DNAAF11: variants seen among roughly 807,000 people sequenced by gnomAD.
DNAAF11 encodes the protein leucine rich repeat containing 6.
A neutral mutation model predicts 60.8 loss-of-function variants in DNAAF11; 45 were observed. That is an observed-to-expected ratio of 0.74 (90% CI 0.58 to 0.95). DNAAF11 has a LOEUF of 0.95. Among genes scored for constraint, DNAAF11 ranks in the 40% least tolerant of loss-of-function variants. The probability of loss-of-function intolerance (pLI) is 0.00; values close to 1 mark genes in which losing one functional copy is unlikely to be tolerated. For missense variants in DNAAF11, 546 were observed against 546.2 expected (o/e 1.00, Z 0.00); for synonymous variants, 191 against 183.5 (o/e 1.04, Z -0.33).
upstream of DNAAF11, chr8:132,675,587 G>T: frequency 7.6e-7 from 1 of 1,322,864 alleles, no homozygotes; most frequent in Non-Finnish European, 1.0e-6. Context: ...CGTCCCCGTC[G>T]GAATTCAGGA....
Position 132,622,592 on chromosome 8 carries a change from T to G in DNAAF11, c.914+19A>C. On this transcript the variant is annotated intron_variant, in intron 7 of 11. Coordinates refer to ENST00000620350, the MANE Select transcript of DNAAF11 (RefSeq NM_012472.6). ...ACTGACACTTTTGGGTCTTTAACGC[T>G]CTATTTGGCCTCACATACTTGGGCT... is the stretch of plus-strand genomic sequence containing the variant. 1 of 1,600,634 alleles carries G rather than the reference T, an allele frequency of 6.2e-7. No individual in the cohort carries two copies. Among genetic ancestry groups the G allele is most frequent in the Admixed American group, 1.7e-5 (1 of 59,476 alleles).
chr8:132,650,098 G>C (rs939871133), intron 3 of DNAAF11, among the ~76,000 whole-genome samples: 2 of 152,164 alleles, frequency 1.3e-5, no homozygotes, highest in African/African-American at 4.8e-5. Flanking sequence ...ATTCACAACA[G>C]CAAAGACTTG....
At chr8:132,627,588 C>A (rs549931027) in intron 5 of DNAAF11, among the ~76,000 whole-genome samples, 1 of 152,272 alleles carries the variant, frequency 6.6e-6, no homozygotes, top group East Asian at 1.9e-4. Flanking sequence ...AAAGTTCAGA[C>A]CTAAATTTCA....
At chr8:132,684,271 A>C in the DNAAF11 span, among the ~76,000 whole-genome samples, 2 of 152,204 alleles carry the variant, frequency 1.3e-5, no homozygotes, top group African/African-American at 2.4e-5. Flanking sequence ...ATTAAAGAAA[A>C]AGGATGTAGA....
At chr8:132,605,731 T>TG (rs1818060116) in intron 10 of DNAAF11, among the ~76,000 whole-genome samples, 2 of 152,106 alleles carry the variant, frequency 1.3e-5, no homozygotes, top group South Asian at 4.1e-4. Flanking sequence ...TTTGTAAATA[T>TG]GGGTATCAGG....
At chr8:132,675,577 C>G, upstream of DNAAF11, 2 of 1,382,296 alleles carry the variant, frequency 1.4e-6, no homozygotes, top group Non-Finnish European at 1.9e-6. Context: ...CTCCTCAGCG[C>G]GTCCCCGTCG....
At chr8:132,624,211 G>A (rs1472035315) in intron 6 of DNAAF11, among the ~76,000 whole-genome samples, 1 of 152,136 alleles carries the variant, frequency 6.6e-6, no homozygotes, top group Non-Finnish European at 1.5e-5. Flanking sequence ...AGTCTGCAAA[G>A]CACTTTCACA....
chr8:132,633,017 C>A, intron 4 of DNAAF11, 54 bp from the exon 5 acceptor site: 1 of 1,230,244 alleles, frequency 8.1e-7, no homozygotes, highest in South Asian at 1.2e-5. Context: ...CAGTGTGAAT[C>A]AGCCCCAGGT....
rs776739670 is a variant in DNAAF11, at chr8:132,622,725, T to C, written c.837-37A>G. The C allele has an allele frequency of 3.6e-6, 5 of 1,399,436 alleles. No individual in the cohort carries two copies. The East Asian group carries it at 1.1e-4, about 32-fold the overall frequency. 86.7% of individuals were successfully genotyped at this position (1,399,436 alleles called of 1,614,324 possible). The stretch of plus-strand genomic sequence containing the variant: ...TGGTGGATGAGAACAATGGGCAGCA[T>C]GGAAAGAAAAAACAAGCAAAGAGAA... On this transcript the variant is annotated intron_variant, in intron 6 of 11. Coordinates refer to ENST00000620350, the MANE Select transcript of DNAAF11 (RefSeq NM_012472.6).
chr8:132,609,640 G>A (rs757736034), intron 10 of DNAAF11, among the ~76,000 whole-genome samples: 2 of 152,224 alleles, frequency 1.3e-5, no homozygotes, highest in East Asian at 1.9e-4. Context: ...TCTCATGCAA[G>A]ATAGGAACAT....
intron 11 of DNAAF11, among the ~76,000 whole-genome samples, chr8:132,576,923 C>T (rs1288742866): frequency 1.3e-5 from 2 of 152,114 alleles, no homozygotes; most frequent in Admixed American, 6.5e-5. Flanking sequence ...AGCTGAGGGT[C>T]AGGCTCAGTA....
At chr8:132,612,681 A>T (rs1475440875) in intron 8 of DNAAF11, among the ~76,000 whole-genome samples, 1 of 152,142 alleles carries the variant, frequency 6.6e-6, no homozygotes, top group African/African-American at 2.4e-5. Flanking sequence ...GGAGACAGTT[A>T]CAGTCTCCCC....
the DNAAF11 span, among the ~76,000 whole-genome samples, chr8:132,690,256 G>C: frequency 6.6e-6 from 1 of 152,006 alleles, no homozygotes; most frequent in African/African-American, 2.4e-5. Context: ...CCCACATGTC[G>C]AGGAAGGGAG....
intron 4 of DNAAF11, 100 bp from the exon 5 acceptor site, chr8:132,633,063 G>T: frequency 1.5e-6 from 1 of 663,618 alleles, no homozygotes; most frequent in Non-Finnish European, 2.6e-6. Context: ...ACCCGATAGT[G>T]ATAGAGAATT....
chr8:132,579,900 G>A (rs1586461458), intron 11 of DNAAF11, among the ~76,000 whole-genome samples: 2 of 152,106 alleles, frequency 1.3e-5, no homozygotes, highest in Non-Finnish European at 2.9e-5. Context: ...AGGGGGCTGA[G>A]GCACAAGAAT....
intron 1 of DNAAF11, among the ~76,000 whole-genome samples, chr8:132,672,997 G>GA (rs1218937209): frequency 6.6e-6 from 1 of 152,090 alleles, no homozygotes. Flanking sequence ...AAAGGCAGCG[G>GA]AAAAAAGGGC....
At chr8:132,597,662 G>T (rs1817160410) in intron 10 of DNAAF11, among the ~76,000 whole-genome samples, 1 of 152,168 alleles carries the variant, frequency 6.6e-6, no homozygotes, top group African/African-American at 2.4e-5. Context: ...CCATGATTTG[G>T]AAAAGAGGCT....
chr8:132,575,868 G>C (rs1586446677), intron 11 of DNAAF11, among the ~76,000 whole-genome samples: 2 of 152,170 alleles, frequency 1.3e-5, no homozygotes, highest in East Asian at 1.9e-4. Context: ...GTAGGGCTGG[G>C]TAAGTGAGGG....
At chr8:132,603,498 A>G (rs1304104878) in intron 10 of DNAAF11, among the ~76,000 whole-genome samples, 1 of 152,028 alleles carries the variant, frequency 6.6e-6, no homozygotes, top group African/African-American at 2.4e-5. Context: ...AGGGATAAAA[A>G]GCCTACTAAA....
Sources: gnomAD v4.1 joint callset for allele counts (sites outside exome capture counted in the v4.1 genomes callset) on GRCh38, gnomAD v4.1.1 for gene constraint, MANE v1.5 for transcripts, NCBI Gene and HGNC (gene_info 2026-07-23, HGNC 2026-07-21) for gene names.